Variants in ZNF816 observed in about 807,000 individuals in gnomAD.
ZNF816 encodes zinc finger protein 816A.
Under a neutral mutation model 8.3 loss-of-function variants are expected in ZNF816, and 11 were observed. The ratio of observed to expected loss-of-function variants is 1.32; its 90% confidence interval spans 0.83 to 2.19. ZNF816 has a LOEUF of 2.19. ZNF816 is among the 30% of genes most tolerant of loss of function. The probability of loss-of-function intolerance (pLI) is 0.00; values close to 1 mark genes in which losing one functional copy is unlikely to be tolerated. For synonymous variants in ZNF816, 255 were observed against 254.5 expected, an observed-to-expected ratio of 1.00 and a Z score of -0.02; for missense variants, 710 against 779.3, an observed-to-expected ratio of 0.91 and a Z score of 1.06.
chr19:52,955,437 A>G (rs945814037), intron 2 of ZNF816, among the ~76,000 whole-genome samples: 2 of 152,210 alleles, frequency 1.3e-5, no homozygotes, highest in African/African-American at 4.8e-5. Flanking sequence ...TGGGAGGGCC[A>G]CTTAAGCCCA....
At position 52,950,574 on chromosome 19, in the gene ZNF816, C is replaced by T. The variant is rs1312700643; in HGVS notation, c.1201G>A (p.Glu401Lys). The change falls in exon 4 of 4, where the codon GAA (glutamate) becomes AAA (lysine). Residue 401 changes from glutamate to lysine, a missense_variant. Coordinates refer to ENST00000444460, the MANE Select transcript of ZNF816 (RefSeq NM_001202457.3). ...HTGEKPYKCE[E>K]CDNVYIRRSH... is the part of the protein sequence containing the mutation. Reference sequence around the variant, plus strand: ...CTGCGAATGTAAACATTGTCACATTCTTCACATTTGTAAGGTTTCTCTCCA... The same window carrying T: ...CTGCGAATGTAAACATTGTCACATTTTTCACATTTGTAAGGTTTCTCTCCA... 1 of 1,614,096 alleles carries T rather than the reference C, an allele frequency of 6.2e-7. No individual in the cohort carries two copies. Among genetic ancestry groups the T allele is most frequent in the East Asian group, 2.2e-5 (1 of 44,874 alleles).
chr19:52,952,040 G>T, intron 3 of ZNF816: 5 of 396,288 alleles, frequency 1.3e-5, no homozygotes, highest in African/African-American at 2.1e-5. Flanking sequence ...CACTGTCACA[G>T]TGCTAGTGAG....
chr19:52,962,416 G>A (rs1425448138), intron 1 of ZNF816, among the ~76,000 whole-genome samples: 1 of 152,096 alleles, frequency 6.6e-6, no homozygotes, highest in African/African-American at 2.4e-5. Flanking sequence ...CTTCCACCAC[G>A]TCTCAGATGG....
At position 52,952,876 on chromosome 19, in the gene ZNF816, C is replaced by T. The variant is rs745767641; in HGVS notation, c.65G>A (p.Gly22Glu). Residue 22 changes from glycine to glutamate, a missense_variant and splice_region_variant, in exon 3 of 4, where the codon GGA becomes GAA. Gly to Glu is a moderately conservative substitution (Grantham distance 98). Coordinates refer to ENST00000444460, the MANE Select transcript of ZNF816 (RefSeq NM_001202457.3). ...EKEPGMALPQ[G>E]RLTFRDVAIE... The stretch of plus-strand genomic sequence containing the variant: ...AGCCACATCCCTGAAAGTCAAGCGT[C>T]CCTAAAATAAAAAACACGTTTCAAC... 11 of 1,590,250 alleles carry T rather than the reference C, an allele frequency of 6.9e-6. No homozygotes were observed. Among genetic ancestry groups the T allele is most frequent in the Non-Finnish European group, 7.7e-6 (9 of 1,173,152 alleles).
Position 52,949,389 on chromosome 19 carries a change from A to T in ZNF816, c.*430T>A, listed in dbSNP as rs541793118. 2.7e-4 allele frequency: 80 copies of T among 298,582 alleles called. No individual in the cohort carries two copies. The highest frequency in any genetic ancestry group is 1.7e-3 in the African/African-American group (78 of 46,090). The allele number at this position is 298,582 out of a possible 1,614,324, so 18.5% of individuals were successfully genotyped here. A position where few individuals can be genotyped will look rare whatever the true frequency, so the allele number is the denominator to read the frequency against. ...CAACTCTAATGTCAATTAAAGTTTTATGATTTTTTATATTCATTTTATTTG... is the reference window on the plus strand; with the variant it reads ...CAACTCTAATGTCAATTAAAGTTTTTTGATTTTTTATATTCATTTTATTTG... On this transcript the variant is annotated 3_prime_UTR_variant, in exon 4 of 4. Transcript: ENST00000444460.
chr19:52,952,447 T>G lies in ZNF816; in HGVS notation c.190+304A>C, dbSNP rs2083467623. ...GTCAATCAGTGTCATGCTTTCTATC[T>G]CGTATCCTGGGCCATGCTGACCATT... On this transcript the variant is annotated intron_variant, in intron 3 of 3. Coordinates refer to ENST00000444460, the MANE Select transcript of ZNF816 (RefSeq NM_001202457.3). 6.5e-6 allele frequency: 3 copies of G among 460,804 alleles called. No individual in the cohort carries two copies. The East Asian group carries it at 1.0e-4, about 16-fold the overall frequency. 28.5% of individuals were successfully genotyped at this position (460,804 alleles called of 1,614,324 possible).
At position 52,954,708 on chromosome 19, in the gene ZNF816, C is replaced by T. The variant is rs2083494355; in HGVS notation, c.63+1319G>A. On this transcript the variant is annotated intron_variant, in intron 2 of 3. Coordinates refer to ENST00000444460, the MANE Select transcript of ZNF816 (RefSeq NM_001202457.3). Reference sequence around the variant, plus strand: ...GGAGTGTAGCACGCATCTGTAAATGCAGCTACTCAGTTGGCTGAAGCGTAA... The same window carrying T: ...GGAGTGTAGCACGCATCTGTAAATGTAGCTACTCAGTTGGCTGAAGCGTAA... Among the ~76,000 whole-genome samples the T allele has an allele frequency of 2.0e-5, 3 of 150,354 alleles. 1 individual carries two copies. In the Admixed American group the frequency reaches 2.0e-4, roughly 10 times the overall value.
intron 1 of ZNF816, among the ~76,000 whole-genome samples, chr19:52,958,219 G>A (rs1327449647): frequency 6.6e-6 from 1 of 152,118 alleles, no homozygotes; most frequent in Non-Finnish European, 1.5e-5. Flanking sequence ...ACTACAGGCC[G>A]GTACAGGACT....
intron 2 of ZNF816, among the ~76,000 whole-genome samples, chr19:52,955,490 C>A (rs1355417404): frequency 6.6e-6 from 1 of 152,154 alleles, no homozygotes; most frequent in South Asian, 2.1e-4. Context: ...CCATTGCACT[C>A]CAGACTGGGC....
At position 52,951,103 on chromosome 19, in the gene ZNF816, C is replaced by T. The variant is rs777503838; in HGVS notation, c.672G>A (p.Met224Ile). ...CATTACTTTGGCAAGGTTTTTCTCT[C>T]ATGCATATTTCCTGTATTTGTGTGA... is the stretch of plus-strand genomic sequence containing the variant. ...SSFTQIQEIC[M>I]REKPCQSNEC... The change falls in exon 4 of 4, where the codon ATG becomes ATA. Residue 224 changes from methionine to isoleucine, a missense_variant. Met to Ile is a conservative substitution (Grantham distance 10). Transcript: ENST00000444460. 6.2e-7 allele frequency: 1 copy of T among 1,613,920 alleles called. No homozygotes were observed. Among genetic ancestry groups the T allele is most frequent in the Admixed American group, 1.7e-5 (1 of 59,974 alleles).
intron 1 of ZNF816, among the ~76,000 whole-genome samples, chr19:52,959,557 C>T (rs1432496781): frequency 1.3e-5 from 2 of 152,196 alleles, no homozygotes; most frequent in Non-Finnish European, 2.9e-5. Flanking sequence ...TGTCCCAGGG[C>T]ACTTCAGCCC....
Position 52,950,999 on chromosome 19 carries a change from C to T in ZNF816, c.776G>A (p.Cys259Tyr), listed in dbSNP as rs776113868. 1.2e-6 allele frequency: 2 copies of T among 1,614,044 alleles called. No individual in the cohort carries two copies. Among genetic ancestry groups the T allele is most frequent in the Non-Finnish European group, 1.7e-6 (2 of 1,180,042 alleles). ...ITHSREREYK[C>Y]DVCGKIFNQK... ...ATTAAAGATCTTGCCACATACATCA[C>T]ATTTATATTCTCTCTCTCTTGAATG... The change falls in exon 4 of 4, where the codon TGT (cysteine) becomes TAT (tyrosine). Residue 259 changes from cysteine to tyrosine, a missense_variant. Cys to Tyr is a radical substitution (Grantham distance 194, BLOSUM62 -2). Transcript: ENST00000444460.
chr19:52,951,686 T>A, intron 3 of ZNF816, 102 bp from the exon 4 acceptor site: 1 of 1,121,122 alleles, frequency 8.9e-7, no homozygotes, highest in Non-Finnish European at 1.2e-6. Flanking sequence ...ATACTTATTT[T>A]AAACTTCCCA....
Position 52,960,196 on chromosome 19 carries a change from G to A in ZNF816, c.-16+2531C>T, listed in dbSNP as rs150311813. The A allele has an allele frequency of 1.6e-3, 390 of 240,360 alleles. 3 individuals carry two copies. Among genetic ancestry groups the A allele is most frequent in the East Asian group, 0.015 (101 of 6,918 alleles). The allele number at this position is 240,360 out of a possible 1,614,324, so 14.9% of individuals were successfully genotyped here. A position where few individuals can be genotyped will look rare whatever the true frequency, so the allele number is the denominator to read the frequency against. On this transcript the variant is annotated intron_variant, in intron 1 of 3. Transcript: ENST00000444460. ...GTGTTACCTGCCGACAGCACAATGC[G>A]AGGCAGGGTTCAGCCATTCTGCCCG...
rs1165770762 is a variant in ZNF816 at position 52,957,129 on chromosome 19, G to A, written c.-15-1025C>T. 5.3e-5 allele frequency among the ~76,000 whole-genome samples: 8 copies of A among 152,186 alleles called. No individual in the cohort carries two copies. Among genetic ancestry groups the A allele is most frequent in the Non-Finnish European group, 1.0e-4 (7 of 68,040 alleles). On this transcript the variant is annotated intron_variant, in intron 1 of 3. Transcript: ENST00000444460. The surrounding 1 kb of genome is among the most constrained non-coding windows in gnomAD (Gnocchi z 4.6). The stretch of plus-strand genomic sequence containing the variant: ...GTTCTTGAGACACGAGTCCTCTGAT[G>A]CGCTGGGCCGAATAAAGCCACTTCC...
At chr19:52,958,269 C>G (rs1246748298) in intron 1 of ZNF816, among the ~76,000 whole-genome samples, 1 of 152,212 alleles carries the variant, frequency 6.6e-6, no homozygotes, top group East Asian at 1.9e-4. Context: ...TTACATCCAA[C>G]AGTACCTAAC....
At position 52,950,417 on chromosome 19, in the gene ZNF816, T is replaced by C. The variant is rs1283410662; in HGVS notation, c.1358A>G (p.Tyr453Cys). 3.1e-6 allele frequency: 5 copies of C among 1,613,778 alleles called. No individual in the cohort carries two copies. The South Asian group carries it at 4.4e-5, about 14-fold the overall frequency. Residue 453 changes from tyrosine to cysteine, a missense_variant, in exon 4 of 4, where the codon TAC (tyrosine) becomes TGC (cysteine). Coordinates refer to ENST00000444460, the MANE Select transcript of ZNF816 (RefSeq NM_001202457.3). ...ACTCCTGCCACATTTATTACACTTG[T>C]ATGGTTTCTCTCCAGTATGAACTCT... ...HQRVHTGEKP[Y>C]KCNKCGRSFS... is the part of the protein sequence containing the mutation.
At chr19:52,955,846 T>C (rs1391591252) in intron 2 of ZNF816, among the ~76,000 whole-genome samples, 181 bp downstream of exon 2, 1 of 152,124 alleles carries the variant, frequency 6.6e-6, no homozygotes, top group Non-Finnish European at 1.5e-5. Flanking sequence ...CCCAAGCTCA[T>C]GTCACTAGGT....
At chr19:52,953,943 A>G (rs188244057) in intron 2 of ZNF816, among the ~76,000 whole-genome samples, 13 of 150,576 alleles carry the variant, frequency 8.6e-5, no homozygotes, top group African/African-American at 2.4e-4. Context: ...CAGGAAGCTG[A>G]AACAGGAAAA....
Sources: gnomAD v4.1 joint callset for allele counts (sites outside exome capture counted in the v4.1 genomes callset) on GRCh38, gnomAD v4.1.1 for gene constraint, Gnocchi (gnomAD v3.1) non-coding constraint, MANE v1.5 for transcripts, NCBI Gene and HGNC (gene_info 2026-07-23, HGNC 2026-07-21) for gene names.